Variants in ADAM12 observed in about 807,000 individuals in gnomAD.
The protein encoded by ADAM12 is ADAM metallopeptidase domain 12, also known as disintegrin and metalloproteinase domain-containing protein 12.
In ADAM12, 70 loss-of-function variants were observed where a neutral mutation model predicts 106.4. The observed-to-expected ratio is 0.66, with a 90% CI of 0.54 to 0.80. ADAM12 has a LOEUF of 0.80. Ranked by LOEUF, ADAM12 falls within the 30% of genes least tolerant of loss-of-function variation. The probability of loss-of-function intolerance (pLI) is 0.00; values close to 1 mark genes in which losing one functional copy is unlikely to be tolerated. For missense variants in ADAM12, 1,010 were observed against 1,171.9 expected, an observed-to-expected ratio of 0.86 and a Z score of 2.02; for synonymous variants, 420 against 433.5, an observed-to-expected ratio of 0.97 and a Z score of 0.39.
At chr10:126,059,761 C>T (rs3781009) in intron 14 of ADAM12, among the ~76,000 whole-genome samples, 55,261 of 152,096 alleles carry the variant, frequency 0.36, 11,082 homozygotes, top group East Asian at 0.48. Flanking sequence ...GCCAGTTGTT[C>T]GTGACTATAG....
intron 4 of ADAM12, among the ~76,000 whole-genome samples, chr10:126,138,252 T>C (rs563617518): frequency 2.6e-5 from 4 of 152,348 alleles, no homozygotes; most frequent in Admixed American, 1.3e-4. Context: ...GATTTTGGTG[T>C]TTTTATTGTT....
intron 3 of ADAM12, among the ~76,000 whole-genome samples, chr10:126,263,543 T>C (rs10901574): frequency 0.46 from 69,980 of 151,654 alleles, 16,510 homozygotes; most frequent in South Asian, 0.63. Flanking sequence ...TTCATCATTT[T>C]TATTCAATAT....
chr10:126,276,262 T>C (rs1959240988), intron 3 of ADAM12, among the ~76,000 whole-genome samples: 1 of 152,210 alleles, frequency 6.6e-6, no homozygotes, highest in South Asian at 2.1e-4. Flanking sequence ...ATTGTACTCA[T>C]TGTTAAACAT....
intron 21 of ADAM12, among the ~76,000 whole-genome samples, chr10:126,030,984 A>C (rs942407075): frequency 1.3e-5 from 2 of 152,198 alleles, no homozygotes; most frequent in Non-Finnish European, 2.9e-5. Context: ...GGCTGGACTT[A>C]GCTGTGCCTG....
intron 11 of ADAM12, among the ~76,000 whole-genome samples, chr10:126,082,504 G>C (rs916216478): frequency 5.9e-5 from 9 of 151,630 alleles, no homozygotes; most frequent in Admixed American, 5.3e-4. Flanking sequence ...GAGTAGCTGG[G>C]ATTACAGGTG....
At chr10:126,195,853 A>C (rs931703995) in intron 3 of ADAM12, among the ~76,000 whole-genome samples, 1 of 152,170 alleles carries the variant, frequency 6.6e-6, no homozygotes, top group African/African-American at 2.4e-5. Context: ...GGGTCCATGA[A>C]ACTGTTAAGT....
chr10:126,204,476 T>C (rs1957760014), intron 3 of ADAM12, among the ~76,000 whole-genome samples: 1 of 152,208 alleles, frequency 6.6e-6, no homozygotes, highest in Non-Finnish European at 1.5e-5. Flanking sequence ...TCCTCATTGC[T>C]GAGTCACTCT....
At chr10:126,260,086 G>A (rs1159696359) in intron 3 of ADAM12, among the ~76,000 whole-genome samples, 1 of 152,170 alleles carries the variant, frequency 6.6e-6, no homozygotes, top group Non-Finnish European at 1.5e-5. Flanking sequence ...CTGCCTACAA[G>A]GGCCCCAGCA....
intron 4 of ADAM12, among the ~76,000 whole-genome samples, chr10:126,150,015 G>C (rs1956701381): frequency 6.6e-6 from 1 of 152,190 alleles, no homozygotes; most frequent in Non-Finnish European, 1.5e-5. Context: ...AAGAAAACTA[G>C]TAAGGGAGAT....
chr10:126,073,393 C>CTT (rs1164258179), intron 11 of ADAM12, among the ~76,000 whole-genome samples: 1 of 148,258 alleles, frequency 6.7e-6, no homozygotes, highest in African/African-American at 2.5e-5. Flanking sequence ...TGGCCCTTAA[C>CTT]TTTTTTTTTT....
chr10:126,119,874 T>C (rs961498493), intron 5 of ADAM12, among the ~76,000 whole-genome samples: 2 of 152,188 alleles, frequency 1.3e-5, no homozygotes. Flanking sequence ...ATTTCTCTCT[T>C]TGCTAAGGTG....
intron 1 of ADAM12, among the ~76,000 whole-genome samples, chr10:126,331,094 T>G (rs1854495217): frequency 6.6e-6 from 1 of 152,254 alleles, no homozygotes; most frequent in Non-Finnish European, 1.5e-5. Context: ...TTATATGATC[T>G]TGTTTCTTGG....
At chr10:126,109,212 ATG>A (rs1481458256) in intron 7 of ADAM12, among the ~76,000 whole-genome samples, 1 of 152,230 alleles carries the variant, frequency 6.6e-6, no homozygotes. Flanking sequence ...GAAAGAGTCT[ATG>A]AGAAAATATC....
chr10:126,059,838 A>C (rs1416133214), intron 14 of ADAM12, among the ~76,000 whole-genome samples: 1 of 152,266 alleles, frequency 6.6e-6, no homozygotes, highest in African/African-American at 2.4e-5. Flanking sequence ...TGGTTCTCAC[A>C]AAAAACATTG....
intron 3 of ADAM12, among the ~76,000 whole-genome samples, chr10:126,173,567 T>C (rs1358329838): frequency 1.3e-5 from 2 of 152,212 alleles, no homozygotes; most frequent in African/African-American, 4.8e-5. Flanking sequence ...TCACCCTCAG[T>C]TGAGAACTGC....
chr10:126,121,086 T>C (rs1245998732), intron 5 of ADAM12, among the ~76,000 whole-genome samples: 3 of 73,208 alleles, frequency 4.1e-5, no homozygotes, highest in Non-Finnish European at 7.8e-5. Context: ...ATATATTAGA[T>C]GTATAATATA....
Position 126,017,236 on chromosome 10 carries a change from G to A in ADAM12, c.*43C>T. 6.6e-7 allele frequency: 1 copy of A among 1,521,900 alleles called. No individual in the cohort carries two copies. The highest frequency in any genetic ancestry group is 8.9e-7 in the Non-Finnish European group (1 of 1,124,390). 94.3% of individuals were successfully genotyped at this position (1,521,900 alleles called of 1,614,324 possible). On this transcript the variant is annotated 3_prime_UTR_variant, in exon 23 of 23. Transcript: ENST00000448723. ...AAACTCCAACTGGAGCTGAAAGATAGTGCAAACTTCTGTCTTCACTGTTGA... is the reference window on the plus strand; with the variant it reads ...AAACTCCAACTGGAGCTGAAAGATAATGCAAACTTCTGTCTTCACTGTTGA...
chr10:126,172,458 T>C lies in ADAM12; in HGVS notation c.261-17153A>G, dbSNP rs374306008. ...AAAGTGGGCGAAGGATATGAACAGATATTTCTCAAAAGAAGACATTTATGT... is the reference window on the plus strand; with the variant it reads ...AAAGTGGGCGAAGGATATGAACAGACATTTCTCAAAAGAAGACATTTATGT... On this transcript the variant is annotated intron_variant, in intron 3 of 22. Transcript: ENST00000448723. 2.3e-4 allele frequency among the ~76,000 whole-genome samples: 35 copies of C among 152,236 alleles called. No individual in the cohort carries two copies. In the East Asian group the frequency reaches 2.7e-3, roughly 12 times the overall value.
At chr10:126,134,349 T>C (rs899489204) in intron 5 of ADAM12, among the ~76,000 whole-genome samples, 2 of 152,186 alleles carry the variant, frequency 1.3e-5, no homozygotes, top group Non-Finnish European at 2.9e-5. Flanking sequence ...CGTAGAATGA[T>C]GTATATGATG....
Sources: allele counts gnomAD v4.1 joint callset (sites outside exome capture counted in the v4.1 genomes callset), GRCh38; gene constraint gnomAD v4.1.1; transcripts MANE v1.5; gene names NCBI Gene and HGNC (gene_info 2026-07-23, HGNC 2026-07-21).